The following CREB5 variants were observed in gnomAD, a reference collection of about 807,000 sequenced individuals.
CREB5 encodes cyclic AMP-responsive element-binding protein 5.
A neutral mutation model predicts 57.1 loss-of-function variants in CREB5; 19 were observed. That is an observed-to-expected ratio of 0.33 (90% confidence interval 0.23 to 0.49). The LOEUF (loss-of-function observed/expected upper bound fraction) is 0.49, where lower values mean the gene tolerates loss of function less well. CREB5 is among the 20% of genes least tolerant of loss of function. The probability of loss-of-function intolerance (pLI) is 0.99; values close to 1 mark genes in which losing one functional copy is unlikely to be tolerated. For missense variants in CREB5, 579 were observed against 671.6 expected (o/e 0.86, Z 1.52); for synonymous variants, 238 against 238.3 (o/e 1.00, Z 0.01).
intron 5 of CREB5, among the ~76,000 whole-genome samples, chr7:28,621,595 C>A (rs1470822575): frequency 6.6e-6 from 1 of 152,120 alleles, no homozygotes; most frequent in African/African-American, 2.4e-5. Flanking sequence ...GTATCACTAG[C>A]CTCCTGATCA....
At chr7:28,760,329 A>G (rs976460224) in intron 7 of CREB5, among the ~76,000 whole-genome samples, 1 of 152,200 alleles carries the variant, frequency 6.6e-6, no homozygotes, top group African/African-American at 2.4e-5. Flanking sequence ...AACCAGACCA[A>G]CCAAATTATT....
chr7:28,536,482 C>T (rs1428479842), intron 4 of CREB5, among the ~76,000 whole-genome samples: 2 of 152,162 alleles, frequency 1.3e-5, no homozygotes, highest in South Asian at 4.1e-4. Context: ...TGTTTTCAAG[C>T]CTGACCCAGC....
rs555741774 is a variant in CREB5 at position 28,687,379 on chromosome 7, G to A, written c.465-31374G>A. On this transcript the variant is annotated intron_variant, in intron 5 of 10. Transcript: ENST00000357727. ...AGTAAGAAATTAACAGGAAATACAG[G>A]GAGAGGGGGCAAAGGATTGTGTTCT... is the stretch of plus-strand genomic sequence containing the variant. 1.3e-4 allele frequency among the ~76,000 whole-genome samples: 19 copies of A among 144,066 alleles called. 1 individual carries two copies. Among genetic ancestry groups the A allele is most frequent in the Admixed American group, 9.7e-4 (14 of 14,488 alleles). The allele number at this position is 144,066 out of a possible 152,430, so 94.5% of individuals were successfully genotyped here.
intron 5 of CREB5, among the ~76,000 whole-genome samples, chr7:28,605,129 G>A (rs532704532): frequency 6.6e-6 from 1 of 152,242 alleles, no homozygotes; most frequent in Admixed American, 6.5e-5. Flanking sequence ...TTGGGTTCTT[G>A]TAACACTGAA....
At chr7:28,753,578 G>A (rs1446590748) in intron 7 of CREB5, among the ~76,000 whole-genome samples, 1 of 152,132 alleles carries the variant, frequency 6.6e-6, no homozygotes, top group African/African-American at 2.4e-5. Flanking sequence ...TACCCTTTGG[G>A]GAGATAGATT....
chr7:28,328,116 T>G (rs577311874), intron 1 of CREB5, among the ~76,000 whole-genome samples: 1 of 152,214 alleles, frequency 6.6e-6, no homozygotes, highest in East Asian at 1.9e-4. Flanking sequence ...TAGGATTTCC[T>G]GCAAACCAGA....
At chr7:28,410,292 T>C (rs1169384387), upstream of CREB5, 2 of 456,448 alleles carry the variant, frequency 4.4e-6, no homozygotes, top group Non-Finnish European at 8.8e-6. Flanking sequence ...GCTTTCTTGC[T>C]GGCATCGTTA....
intron 5 of CREB5, among the ~76,000 whole-genome samples, chr7:28,688,850 G>A (rs1801088444): frequency 1.3e-5 from 2 of 152,176 alleles, no homozygotes; most frequent in Admixed American, 1.3e-4. Flanking sequence ...GGAATAAAGA[G>A]GGCATGATTT....
chr7:28,453,440 A>AAAC (rs762858279), intron 1 of CREB5, among the ~76,000 whole-genome samples: 1 of 152,182 alleles, frequency 6.6e-6, no homozygotes, highest in South Asian at 2.1e-4. Context: ...CCCTGTCTCA[A>AAAC]AACAACAACA....
chr7:28,521,122 T>C (rs541975622), intron 4 of CREB5, among the ~76,000 whole-genome samples: 63 of 152,274 alleles, frequency 4.1e-4, no homozygotes, highest in African/African-American at 1.5e-3. Flanking sequence ...AGGCACCCAT[T>C]GCACAGTGCA....
At chr7:28,723,496 G>A (rs1224096281) in intron 6 of CREB5, among the ~76,000 whole-genome samples, 4 of 152,138 alleles carry the variant, frequency 2.6e-5, no homozygotes, top group Non-Finnish European at 4.4e-5. Context: ...ACCCTCGGCC[G>A]CTTTCTTCAC....
At chr7:28,801,166 A>C (rs1289728560) in intron 7 of CREB5, among the ~76,000 whole-genome samples, 1 of 152,200 alleles carries the variant, frequency 6.6e-6, no homozygotes, top group African/African-American at 2.4e-5. Flanking sequence ...AAACAGCTTG[A>C]TTTTGTGCAA....
At chr7:28,396,105 T>C (rs1040607458) in intron 1 of CREB5, among the ~76,000 whole-genome samples, 1 of 152,222 alleles carries the variant, frequency 6.6e-6, no homozygotes, top group African/African-American at 2.4e-5. Flanking sequence ...GAGATTTTTC[T>C]TTCTTTGTAG....
At chr7:28,810,228 G>GAA (rs970396652) in intron 9 of CREB5, among the ~76,000 whole-genome samples, 1 of 139,694 alleles carries the variant, frequency 7.2e-6, no homozygotes, top group South Asian at 2.2e-4. Context: ...TTTATCAGCA[G>GAA]AAAAAAAAAA....
intron 5 of CREB5, among the ~76,000 whole-genome samples, chr7:28,571,917 C>A (rs935496226): frequency 6.6e-6 from 1 of 152,112 alleles, no homozygotes; most frequent in Admixed American, 6.5e-5. Context: ...TGAGAAGGGG[C>A]GCTTGCTGTG....
chr7:28,782,672 G>A (rs1262104260), intron 7 of CREB5, among the ~76,000 whole-genome samples: 1 of 152,136 alleles, frequency 6.6e-6, no homozygotes, highest in East Asian at 1.9e-4. Flanking sequence ...TGGAATGCAC[G>A]TGTTGGAAAT....
chr7:28,743,399 G>C (rs1169630855), intron 7 of CREB5, among the ~76,000 whole-genome samples: 1 of 152,084 alleles, frequency 6.6e-6, no homozygotes, highest in East Asian at 1.9e-4. Context: ...TGGGTATAGT[G>C]GTGTGCACCT....
intron 3 of CREB5, among the ~76,000 whole-genome samples, chr7:28,498,441 T>C (rs1236371674): frequency 6.6e-6 from 1 of 152,236 alleles, no homozygotes; most frequent in Admixed American, 6.5e-5. Flanking sequence ...ACTTTATCCT[T>C]AATTAGTTGT....
Position 28,823,047 on chromosome 7 carries a change from G to A in CREB5, c.*3768G>A, listed in dbSNP as rs556419535. On this transcript the variant is annotated 3_prime_UTR_variant, in exon 11 of 11. Coordinates refer to ENST00000357727, the MANE Select transcript of CREB5 (RefSeq NM_182898.4). ...CGTATTCTGATAGAAGGACGTCGACGGTGAATGTTCTGGTGGTTGTTGCCT... is the reference window on the plus strand; with the variant it reads ...CGTATTCTGATAGAAGGACGTCGACAGTGAATGTTCTGGTGGTTGTTGCCT... The A allele has an allele frequency of 1.3e-5, 2 of 152,722 alleles. No individual in the cohort carries two copies. The highest frequency in any genetic ancestry group is 2.4e-5 in the African/African-American group (1 of 41,568). 9.5% of individuals were successfully genotyped at this position (152,722 alleles called of 1,614,324 possible). A position where few individuals can be genotyped will look rare whatever the true frequency, so the allele number is the denominator to read the frequency against.
Sources: allele counts gnomAD v4.1 joint callset (sites outside exome capture counted in the v4.1 genomes callset), GRCh38; gene constraint gnomAD v4.1.1; transcripts MANE v1.5; gene names NCBI Gene and HGNC (gene_info 2026-07-23, HGNC 2026-07-21).